The following ADCY5 variants were observed in gnomAD, a reference collection of about 807,000 sequenced individuals.
ADCY5 encodes adenylate cyclase 5, also known as adenylate cyclase type 5.
ADCY5 carries 30 observed loss-of-function variants against 119.7 expected under a neutral mutation model. That is an observed-to-expected ratio of 0.25 (90% CI 0.19 to 0.34). ADCY5 has a LOEUF of 0.34. Ranked by LOEUF, ADCY5 falls within the 10% of genes least tolerant of loss-of-function variation. The pLI is 1.00. For synonymous variants in ADCY5, 753 were observed against 762.2 expected (o/e 0.99, Z 0.20); for missense variants, 1,324 against 1,775.2 (o/e 0.75, Z 4.57).
chr3:123,309,111 G>A (rs1355135245), intron 12 of ADCY5, among the ~76,000 whole-genome samples: 1 of 152,220 alleles, frequency 6.6e-6, no homozygotes, highest in African/African-American at 2.4e-5. Context: ...CATGATTGGG[G>A]TAAGGAACAG....
chr3:123,372,766 T>C (rs546001815), intron 1 of ADCY5, among the ~76,000 whole-genome samples: 1 of 152,292 alleles, frequency 6.6e-6, no homozygotes, highest in African/African-American at 2.4e-5. Flanking sequence ...GAAGCTGCTA[T>C]GAGAAGAAAC....
chr3:123,356,741 C>T (rs1371366417), intron 1 of ADCY5, among the ~76,000 whole-genome samples: 10 of 152,144 alleles, frequency 6.6e-5, no homozygotes. Flanking sequence ...CTCATACTTT[C>T]CTGGTCGAAA....
intron 1 of ADCY5, among the ~76,000 whole-genome samples, chr3:123,368,762 A>G (rs2107526309): frequency 6.6e-6 from 1 of 152,050 alleles, no homozygotes; most frequent in Middle Eastern, 3.4e-3. Flanking sequence ...CAAAAAAAAA[A>G]AAAAAGGTAC....
chr3:123,389,710 C>T (rs1200733610), intron 1 of ADCY5, among the ~76,000 whole-genome samples: 1 of 152,090 alleles, frequency 6.6e-6, no homozygotes, highest in African/African-American at 2.4e-5. Context: ...TATAACTTTC[C>T]CCCTCGCTGA....
At chr3:123,289,680 A>T in intron 19 of ADCY5, 70 bp downstream of exon 19, 1 of 1,555,482 alleles carries the variant, frequency 6.4e-7, no homozygotes, top group Non-Finnish European at 8.8e-7. Flanking sequence ...GGTATGGGGT[A>T]TGGGGGAGCC....
intron 3 of ADCY5, among the ~76,000 whole-genome samples, chr3:123,338,396 G>T (rs974632456): frequency 7.2e-5 from 11 of 152,182 alleles, no homozygotes; most frequent in African/African-American, 2.7e-4. Context: ...TGCAGCTTTG[G>T]GGGAGGATTC....
At chr3:123,306,425 T>G (rs1338984057) in intron 12 of ADCY5, among the ~76,000 whole-genome samples, 1 of 152,142 alleles carries the variant, frequency 6.6e-6, no homozygotes, top group Non-Finnish European at 1.5e-5. Context: ...ACTACAGAAC[T>G]CTTATGGGAA....
chr3:123,329,436 T>C (rs1941655458), intron 5 of ADCY5, among the ~76,000 whole-genome samples: 1 of 152,038 alleles, frequency 6.6e-6, no homozygotes, highest in African/African-American at 2.4e-5. Flanking sequence ...GAGCTCCCAG[T>C]AGACAGGGCA....
intron 14 of ADCY5, among the ~76,000 whole-genome samples, chr3:123,301,094 A>C (rs1246648993): frequency 6.6e-6 from 1 of 150,396 alleles, no homozygotes; most frequent in African/African-American, 2.5e-5. Flanking sequence ...GAGGGGCTAA[A>C]CCAGGTAATC....
At chr3:123,439,110 C>T (rs1013315552) in intron 1 of ADCY5, among the ~76,000 whole-genome samples, 12 of 71,260 alleles carry the variant, frequency 1.7e-4, no homozygotes, top group Non-Finnish European at 1.5e-4. Flanking sequence ...GCTCTATCAC[C>T]CACCTAGAGT....
chr3:123,310,149 C>CACAG (rs1031301955), intron 12 of ADCY5, among the ~76,000 whole-genome samples: 10 of 147,830 alleles, frequency 6.8e-5, no homozygotes, highest in African/African-American at 2.0e-4. Context: ...CACACACACA[C>CACAG]AGCTACGCAG....
chr3:123,354,897 G>T (rs1310378547), intron 1 of ADCY5, among the ~76,000 whole-genome samples: 1 of 152,178 alleles, frequency 6.6e-6, no homozygotes, highest in Non-Finnish European at 1.5e-5. Context: ...TTGGCAAAAT[G>T]CAACATACAT....
chr3:123,346,986 G>C (rs1942597441), intron 3 of ADCY5, among the ~76,000 whole-genome samples: 2 of 152,188 alleles, frequency 1.3e-5, no homozygotes, highest in Non-Finnish European at 2.9e-5. Flanking sequence ...TTCTGTCTAG[G>C]GAGGCGGCAA....
intron 16 of ADCY5, 174 bp downstream of exon 16, chr3:123,297,179 G>A: frequency 7.5e-7 from 1 of 1,339,594 alleles, no homozygotes; most frequent in Non-Finnish European, 1.0e-6. Context: ...CAGGGCCTCT[G>A]CCCCCCGAGG....
chr3:123,385,285 ACACACACG>A (rs1481038383), intron 1 of ADCY5, among the ~76,000 whole-genome samples: 1 of 61,012 alleles, frequency 1.6e-5, no homozygotes, highest in East Asian at 7.9e-4. Flanking sequence ...TCCACTGCAG[ACACACACG>A]CACACACACA....
intron 1 of ADCY5, among the ~76,000 whole-genome samples, chr3:123,372,898 C>G (rs1323124801): frequency 2.0e-5 from 3 of 152,308 alleles, no homozygotes; most frequent in African/African-American, 7.2e-5. Context: ...AAGGCCACAG[C>G]TACAGCAGAA....
At chr3:123,354,660 T>A (rs983642618) in intron 1 of ADCY5, among the ~76,000 whole-genome samples, 2 of 151,842 alleles carry the variant, frequency 1.3e-5, no homozygotes, top group Non-Finnish European at 2.9e-5. Flanking sequence ...AGGTTCTCAG[T>A]GATAAAAACA....
At position 123,302,916 on chromosome 3, in the gene ADCY5, A is replaced by C. The variant is rs930180162; in HGVS notation, c.2724+139T>G. ...AGACACTGGCATGTAGGAGTGAGAG[A>C]TACTGGGGTAAGCAGGCCTCTAGAA... On this transcript the variant is annotated intron_variant, in intron 14 of 20. Coordinates refer to ENST00000462833, the MANE Select transcript of ADCY5 (RefSeq NM_183357.3). 1.8e-4 allele frequency: 177 copies of C among 979,362 alleles called. 2 individuals carry two copies. Among genetic ancestry groups the C allele is most frequent in the Non-Finnish European group, 4.4e-5 (29 of 662,110 alleles). 60.7% of individuals were successfully genotyped at this position (979,362 alleles called of 1,614,324 possible).
chr3:123,405,502 G>T (rs1406577214), intron 1 of ADCY5, among the ~76,000 whole-genome samples: 2 of 152,234 alleles, frequency 1.3e-5, no homozygotes, highest in African/African-American at 4.8e-5. Context: ...TGAGGAGGGA[G>T]CAGGACAGGA....
Sources: gnomAD v4.1 joint callset for allele counts (sites outside exome capture counted in the v4.1 genomes callset) on GRCh38, gnomAD v4.1.1 for gene constraint, MANE v1.5 for transcripts, NCBI Gene and HGNC (gene_info 2026-07-23, HGNC 2026-07-21) for gene names.